DISC1: variants seen among roughly 807,000 people sequenced by gnomAD.
The protein encoded by DISC1 is DISC1 scaffold protein.
Under a neutral mutation model 84.5 loss-of-function variants are expected in DISC1, and 57 were observed. The ratio of observed to expected loss-of-function variants is 0.67; its 90% CI spans 0.55 to 0.84. The LOEUF (loss-of-function observed/expected upper bound fraction) is 0.84. Ranked by LOEUF, DISC1 falls within the 40% of genes least tolerant of loss-of-function variation. The pLI is 0.00. For synonymous variants in DISC1, 411 were observed against 415.2 expected (o/e 0.99, Z 0.12); for missense variants, 1,000 against 1,057.8 (o/e 0.95, Z 0.76).
intron 7 of DISC1, among the ~76,000 whole-genome samples, chr1:231,799,163 C>T (rs977144817): frequency 6.6e-6 from 1 of 151,574 alleles, no homozygotes; most frequent in Non-Finnish European, 1.5e-5. Flanking sequence ...TTTGAAAAAC[C>T]AAAGAAAAAA....
intron 10 of DISC1, among the ~76,000 whole-genome samples, chr1:231,998,407 G>A (rs1320614010): frequency 6.6e-6 from 1 of 152,166 alleles, no homozygotes; most frequent in Non-Finnish European, 1.5e-5. Flanking sequence ...AATGGGCTTA[G>A]TAGAGTGCAA....
intron 10 of DISC1, among the ~76,000 whole-genome samples, chr1:231,966,777 C>A (rs1220504483): frequency 2.0e-5 from 3 of 152,218 alleles, no homozygotes; most frequent in Admixed American, 2.0e-4. Context: ...CTCTAGTGAA[C>A]CTTTACCACA....
rs370688077 is a variant in DISC1, at chr1:231,630,247, G to C, written c.67+3313G>C. On this transcript the variant is annotated intron_variant, in intron 1 of 12. Transcript: ENST00000439617. The surrounding 1 kb of genome is among the most constrained non-coding windows in gnomAD (Gnocchi z 4.4). The stretch of plus-strand genomic sequence containing the variant: ...CCGGGCCCTTTAAACAAGATTTAAA[G>C]ACCAGCACACAAAGTTTCTGAGTAC... Among the ~76,000 whole-genome samples the C allele has an allele frequency of 7.2e-5, 11 of 152,144 alleles. No individual in the cohort carries two copies. Among genetic ancestry groups the C allele is most frequent in the African/African-American group, 2.7e-4 (11 of 41,434 alleles).
At chr1:231,681,401 G>GTGTT (rs922016063) in intron 1 of DISC1, among the ~76,000 whole-genome samples, 2 of 149,962 alleles carry the variant, frequency 1.3e-5, no homozygotes, top group South Asian at 2.1e-4. Flanking sequence ...TCACTCGTGT[G>GTGTT]TGTTTGTGTG....
At chr1:231,710,602 G>A (rs977244138) in intron 3 of DISC1, among the ~76,000 whole-genome samples, 1 of 152,170 alleles carries the variant, frequency 6.6e-6, no homozygotes, top group African/African-American at 2.4e-5. Flanking sequence ...CTGGAGATTG[G>A]AATTCTATGT....
intron 10 of DISC1, among the ~76,000 whole-genome samples, chr1:231,971,709 G>A (rs896444750): frequency 2.6e-5 from 4 of 152,058 alleles, no homozygotes; most frequent in East Asian, 1.9e-4. Context: ...TGCCTCAGGC[G>A]GAAAACATTT....
intron 9 of DISC1, among the ~76,000 whole-genome samples, chr1:231,858,610 C>A (rs1057171448): frequency 1.3e-5 from 2 of 152,214 alleles, no homozygotes; most frequent in Non-Finnish European, 2.9e-5. Flanking sequence ...CTGGGTTAGA[C>A]AACCTTTTCT....
At chr1:231,862,327 A>G (rs1357934923) in intron 9 of DISC1, among the ~76,000 whole-genome samples, 1 of 152,172 alleles carries the variant, frequency 6.6e-6, no homozygotes, top group Non-Finnish European at 1.5e-5. Flanking sequence ...CTCATCACTC[A>G]TGGCAACTGT....
chr1:231,698,661 G>C lies in DISC1; in HGVS notation c.1048-3294G>C, dbSNP rs1299121180. Among the ~76,000 whole-genome samples the C allele has an allele frequency of 6.6e-6, 1 of 152,160 alleles. No homozygotes were observed. Among genetic ancestry groups the C allele is most frequent in the African/African-American group, 2.4e-5 (1 of 41,438 alleles). On this transcript the variant is annotated intron_variant, in intron 2 of 12. Coordinates refer to ENST00000439617, the MANE Select transcript of DISC1 (RefSeq NM_018662.3). The surrounding 1 kb of genome is among the most constrained non-coding windows in gnomAD (Gnocchi z 4.9). ...GGGCATCGTGGGGTGGGCTTTGGCT[G>C]TAAATGAATTTTTTTCCTGACCTTG...
intron 4 of DISC1, among the ~76,000 whole-genome samples, chr1:231,757,671 T>C (rs1057387287): frequency 6.6e-6 from 1 of 152,180 alleles, no homozygotes; most frequent in Non-Finnish European, 1.5e-5. Context: ...GAATAACTTT[T>C]GTGATATCCT....
intron 9 of DISC1, among the ~76,000 whole-genome samples, chr1:231,863,528 G>A (rs2084833918): frequency 6.6e-6 from 1 of 152,090 alleles, no homozygotes; most frequent in African/African-American, 2.4e-5. Flanking sequence ...ACCGCGCCTG[G>A]CCTAAAACAT....
chr1:231,631,401 A>G (rs1350330097), intron 1 of DISC1, among the ~76,000 whole-genome samples: 2 of 152,276 alleles, frequency 1.3e-5, no homozygotes, highest in East Asian at 1.9e-4. Flanking sequence ...AAAAAAAGTT[A>G]ACTGTAAACC....
chr1:231,969,575 T>G, intron 10 of DISC1, among the ~76,000 whole-genome samples: 1 of 143,632 alleles, frequency 7.0e-6, no homozygotes, highest in Non-Finnish European at 1.5e-5. Flanking sequence ...GATACTCCAA[T>G]ATACTTGTTT....
At chr1:231,810,684 C>G (rs1325869702) in intron 8 of DISC1, among the ~76,000 whole-genome samples, 1 of 152,154 alleles carries the variant, frequency 6.6e-6, no homozygotes, top group East Asian at 1.9e-4. Flanking sequence ...TGCGGGGAAG[C>G]TGGAGGCGGC....
intron 9 of DISC1, among the ~76,000 whole-genome samples, chr1:231,876,896 G>A (rs2085924451): frequency 6.6e-6 from 1 of 152,186 alleles, no homozygotes; most frequent in Non-Finnish European, 1.5e-5. Flanking sequence ...GTAAAGCAAA[G>A]GCTTAGGGTA....
chr1:231,770,025 C>G (rs531537530), intron 5 of DISC1, among the ~76,000 whole-genome samples: 1 of 152,178 alleles, frequency 6.6e-6, no homozygotes, highest in South Asian at 2.1e-4. Flanking sequence ...GGTGATGCAC[C>G]TCGGGGCTGA....
intron 10 of DISC1, among the ~76,000 whole-genome samples, chr1:231,993,082 G>A (rs201700122): frequency 2.2e-4 from 33 of 152,266 alleles, no homozygotes; most frequent in Non-Finnish European, 4.3e-4. Context: ...GGTCAGGGAA[G>A]AATTTTATAT....
chr1:231,986,720 C>A (rs1324671654), intron 10 of DISC1, among the ~76,000 whole-genome samples: 1 of 152,176 alleles, frequency 6.6e-6, no homozygotes, highest in Non-Finnish European at 1.5e-5. Context: ...AAACAATCCC[C>A]CACAGCAAGG....
intron 8 of DISC1, among the ~76,000 whole-genome samples, chr1:231,813,740 C>G (rs2080579957): frequency 6.6e-6 from 1 of 152,148 alleles, no homozygotes; most frequent in Non-Finnish European, 1.5e-5. Context: ...TTGCCCATTG[C>G]TCTCTAACCT....
Sources: gnomAD v4.1 joint callset for allele counts (sites outside exome capture counted in the v4.1 genomes callset) on GRCh38, gnomAD v4.1.1 for gene constraint, Gnocchi (gnomAD v3.1) non-coding constraint, MANE v1.5 for transcripts, NCBI Gene and HGNC (gene_info 2026-07-23, HGNC 2026-07-21) for gene names.